Variants in CDKN2C observed in about 807,000 individuals in gnomAD.
The protein encoded by CDKN2C is cyclin-dependent kinase 4 inhibitor C.
Under a neutral mutation model 11.0 loss-of-function variants are expected in CDKN2C, and 5 were observed. That is an observed-to-expected ratio of 0.45 (90% CI 0.24 to 0.95). The LOEUF is 0.95. CDKN2C is among the 40% of genes least tolerant of loss of function. CDKN2C has a pLI of 0.21. For missense variants in CDKN2C, 161 were observed against 211.9 expected, an observed-to-expected ratio of 0.76 and a Z score of 1.49; for synonymous variants, 79 against 88.3, an observed-to-expected ratio of 0.89 and a Z score of 0.59.
rs1372032935 is a variant in CDKN2C, at chr1:50,973,914, G to A, written c.151G>A (p.Glu51Lys). ...ALQVMKLGNPEIARRLLLRGA... is the reference protein window; with the variant it reads ...ALQVMKLGNPKIARRLLLRGA... ...CCAGGTTATGAAACTTGGAAATCCC[G>A]AGATTGCCAGGAGACTGCTACTTAG... The change falls in exon 2 of 2, where the codon GAG (glutamate) becomes AAG (lysine). Residue 51 changes from glutamate (E) to lysine (K), a missense_variant. By Grantham distance (56) the Glu-to-Lys change is moderately conservative (BLOSUM62 1). Transcript: ENST00000371761. 10 of 1,614,158 alleles carry A rather than the reference G, an allele frequency of 6.2e-6. No individual in the cohort carries two copies. Among genetic ancestry groups the A allele is most frequent in the Admixed American group, 1.7e-5 (1 of 60,032 alleles).
upstream of CDKN2C, among the ~76,000 whole-genome samples, chr1:50,965,444 C>T (rs984592333): frequency 3.3e-5 from 5 of 151,996 alleles, no homozygotes; most frequent in Non-Finnish European, 5.9e-5. Flanking sequence ...TTGCAGTGAG[C>T]CGGGATCGCG....
chr1:50,971,687 A>G lies in CDKN2C; in HGVS notation c.129+1190A>G, dbSNP rs572870975. Among the ~76,000 whole-genome samples the G allele has an allele frequency of 5.9e-5, 9 of 152,344 alleles. No individual in the cohort carries two copies. In the South Asian group the frequency reaches 1.0e-3, roughly 18 times the overall value. ...TGAAAAGTTTCCTTTTGAAAACTCA[A>G]AAGATTATATAAACTTCACAAAGAA... On this transcript the variant is annotated intron_variant, in intron 1 of 1. Coordinates refer to ENST00000371761, the MANE Select transcript of CDKN2C (RefSeq NM_078626.3).
Position 50,974,292 on chromosome 1 carries a change from G to C in CDKN2C, c.*22G>C, listed in dbSNP as rs774437287. 6.5e-7 allele frequency: 1 copy of C among 1,528,116 alleles called. No homozygotes were observed. The highest frequency in any genetic ancestry group is 1.3e-5 in the South Asian group (1 of 76,500). The allele number at this position is 1,528,116 out of a possible 1,614,324, so 94.7% of individuals were successfully genotyped here. ...ATAAACGTGGGGAGGGCTCCCCCAC[G>C]TTGCCTCTACTTTATCAATTAACTG... On this transcript the variant is annotated 3_prime_UTR_variant, in exon 2 of 2. Coordinates refer to ENST00000371761, the MANE Select transcript of CDKN2C (RefSeq NM_078626.3).
At chr1:50,968,956 AG>A (rs1005052999), upstream of CDKN2C, 6 of 152,878 alleles carry the variant, frequency 3.9e-5, no homozygotes, top group Non-Finnish European at 5.8e-5. Context: ...CCGGCGATCT[AG>A]GGGGGGATCA....
At chr1:50,966,344 C>G (rs1645347231), upstream of CDKN2C, among the ~76,000 whole-genome samples, 1 of 152,072 alleles carries the variant, frequency 6.6e-6, no homozygotes, top group Non-Finnish European at 1.5e-5. Context: ...CGCCCGGCCA[C>G]TTCTATGTCT....
rs1487543242 is a variant in CDKN2C at position 50,974,267 on chromosome 1, A to G, written c.504A>G (p.Gln168=). The G allele has an allele frequency of 2.4e-5, 37 of 1,551,278 alleles. 1 individual carries two copies. Among genetic ancestry groups the G allele is most frequent in the South Asian group, 3.7e-5 (3 of 80,700 alleles). ...GGGCTGGGGGAGCCACAAATCTTCAATAAACGTGGGGAGGGCTCCCCCACG... is the reference window on the plus strand; with the variant it reads ...GGGCTGGGGGAGCCACAAATCTTCAGTAAACGTGGGGAGGGCTCCCCCACG... ...ANGAGGATNL[Q] The change falls in exon 2 of 2, where the codon CAA becomes CAG. Residue 168 remains glutamine, a synonymous_variant. Coordinates refer to ENST00000371761, the MANE Select transcript of CDKN2C (RefSeq NM_078626.3).
chr1:50,966,995 A>C (rs1341749079), upstream of CDKN2C, among the ~76,000 whole-genome samples: 1 of 152,232 alleles, frequency 6.6e-6, no homozygotes, highest in Non-Finnish European at 1.5e-5. Context: ...GTTGTTCAGC[A>C]ATAAGCATTT....
In CDKN2C at chr1:50,970,347, C is replaced by G; in HGVS notation, c.-22C>G. The G allele has an allele frequency of 6.2e-7, 1 of 1,613,862 alleles. No individual in the cohort carries two copies. Among genetic ancestry groups the G allele is most frequent in the Non-Finnish European group, 8.5e-7 (1 of 1,180,006 alleles). On this transcript the variant is annotated 5_prime_UTR_variant, in exon 1 of 2. Transcript: ENST00000371761. The stretch of plus-strand genomic sequence containing the variant: ...AGAAAAACGACTAATTCATCTTTTC[C>G]TGATCGTCAGGACCCTAAAGAATGG...
intron 1 of CDKN2C, 44 bp from the exon 2 acceptor site, chr1:50,973,849 G>A: frequency 6.2e-7 from 1 of 1,604,228 alleles, no homozygotes; most frequent in Non-Finnish European, 8.5e-7. Context: ...TATCTCTGTA[G>A]CATATGCACT....
In CDKN2C at chr1:50,970,412, G is replaced by A. The variant is rs548300689; in HGVS notation, c.44G>A (p.Arg15Lys). 5 of 1,614,012 alleles carry A rather than the reference G, an allele frequency of 3.1e-6. No homozygotes were observed. The South Asian group carries it at 3.3e-5, about 11-fold the overall frequency. ...WGNELASAAA[R>K]GDLEQLTSLL... is the part of the protein sequence containing the mutation. ...AACGAGTTGGCGTCCGCAGCTGCCA[G>A]GGGGGACCTAGAGCAACTTACTAGT... The change falls in exon 1 of 2, where the codon AGG becomes AAG. Residue 15 changes from arginine (R) to lysine (K), a missense_variant. Arg to Lys is a conservative substitution (Grantham distance 26). Coordinates refer to ENST00000371761, the MANE Select transcript of CDKN2C (RefSeq NM_078626.3).
intron 1 of CDKN2C, 38 bp downstream of exon 1, chr1:50,970,535 T>C: frequency 6.2e-7 from 1 of 1,612,084 alleles, no homozygotes; most frequent in Non-Finnish European, 8.5e-7. Flanking sequence ...AAGTCAATAA[T>C]GTTGCCTACG....
At chr1:50,962,047 C>T (rs867351767) in intron 1 of CDKN2C, among the ~76,000 whole-genome samples, 6 of 152,244 alleles carry the variant, frequency 3.9e-5, no homozygotes, top group African/African-American at 1.2e-4. Context: ...CCTCCACAGT[C>T]ACATGAATCA....
intron 1 of CDKN2C, among the ~76,000 whole-genome samples, chr1:50,972,539 C>T (rs1388573504): frequency 6.6e-6 from 1 of 151,778 alleles, no homozygotes; most frequent in African/African-American, 2.4e-5. Flanking sequence ...GTCTATTATA[C>T]AAGATATTTA....
chr1:50,973,419 A>T (rs1457572819), intron 1 of CDKN2C, among the ~76,000 whole-genome samples: 1 of 152,222 alleles, frequency 6.6e-6, no homozygotes, highest in African/African-American at 2.4e-5. Context: ...TGTTTGCAGT[A>T]GCTATTTAGA....
intron 1 of CDKN2C, among the ~76,000 whole-genome samples, chr1:50,971,178 A>G (rs1161910524): frequency 6.6e-6 from 1 of 152,238 alleles, no homozygotes; most frequent in Non-Finnish European, 1.5e-5. Context: ...ACAGGCAACA[A>G]TTGACACATG....
At chr1:50,963,528 G>C (rs1043305415) in intron 1 of CDKN2C, among the ~76,000 whole-genome samples, 28 of 152,324 alleles carry the variant, frequency 1.8e-4, no homozygotes, top group African/African-American at 6.7e-4. Context: ...TAGGATTCAA[G>C]ACTAGGTCAA....
intron 1 of CDKN2C, among the ~76,000 whole-genome samples, chr1:50,962,300 C>G (rs1645328666): frequency 6.6e-6 from 1 of 152,230 alleles, no homozygotes; most frequent in African/African-American, 2.4e-5. Context: ...AGGAGAATCA[C>G]CTGAACCTGG....
At chr1:50,967,332 T>C (rs924808496), upstream of CDKN2C, among the ~76,000 whole-genome samples, 2 of 152,240 alleles carry the variant, frequency 1.3e-5, no homozygotes, top group African/African-American at 4.8e-5. Flanking sequence ...AATTTCTTGT[T>C]TTGTAGTTCT....
At position 50,974,114 on chromosome 1, in the gene CDKN2C, G is replaced by A. The variant is rs2147958530; in HGVS notation, c.351G>A (p.Arg117=). ...LHLAAKEGHL[R]VVEFLVKHTA... is the part of the protein sequence containing the mutation. Reference sequence around the variant, plus strand: ...TGGCTGCCAAAGAAGGCCACCTCCGGGTGGTGGAGTTCCTGGTGAAGCACA... The same window carrying A: ...TGGCTGCCAAAGAAGGCCACCTCCGAGTGGTGGAGTTCCTGGTGAAGCACA... The change falls in exon 2 of 2, where the codon CGG becomes CGA. Residue 117 remains arginine (R), a synonymous_variant. Transcript: ENST00000371761. 6 of 1,614,202 alleles carry A rather than the reference G, an allele frequency of 3.7e-6. No homozygotes were observed. The highest frequency in any genetic ancestry group is 1.1e-5 in the South Asian group (1 of 91,088).
Sources: allele counts gnomAD v4.1 joint callset (sites outside exome capture counted in the v4.1 genomes callset), GRCh38; gene constraint gnomAD v4.1.1; transcripts MANE v1.5; gene names NCBI Gene and HGNC (gene_info 2026-07-23, HGNC 2026-07-21).